GLP1R: variants seen among roughly 807,000 people sequenced by gnomAD.
GLP1R encodes glucagon like peptide 1 receptor, also known as glucagon-like peptide 1 receptor.
Under a neutral mutation model 68.4 loss-of-function variants are expected in GLP1R, and 32 were observed. The observed-to-expected ratio is 0.47, with a 90% CI of 0.35 to 0.63. The LOEUF (loss-of-function observed/expected upper bound fraction) is 0.63, where lower values mean the gene tolerates loss of function less well. Among genes scored for constraint, GLP1R ranks in the 20% least tolerant of loss-of-function variants. The pLI is 0.00. For missense variants in GLP1R, 502 were observed against 594.9 expected (o/e 0.84, Z 1.62); for synonymous variants, 263 against 244.4 (o/e 1.08, Z -0.71).
At chr6:39,053,705 G>A (rs555107214) in intron 1 of GLP1R, among the ~76,000 whole-genome samples, 1 of 152,282 alleles carries the variant, frequency 6.6e-6, no homozygotes, top group Non-Finnish European at 1.5e-5. Flanking sequence ...TCTTGCACTC[G>A]GTTGCAAACC....
intron 3 of GLP1R, among the ~76,000 whole-genome samples, chr6:39,063,212 G>C (rs1012579628): frequency 6.6e-6 from 1 of 152,068 alleles, no homozygotes; most frequent in African/African-American, 2.4e-5. Context: ...ATCTCATTCC[G>C]CATGGAGTCA....
In GLP1R at chr6:39,090,058, C is replaced by T. The variant is rs953377461; in HGVS notation, c.*3985C>T. Among the ~76,000 whole-genome samples, 37 of 152,190 alleles carry T rather than the reference C, an allele frequency of 2.4e-4. No individual in the cohort carries two copies. The highest frequency in any genetic ancestry group is 3.8e-4 in the Non-Finnish European group (26 of 68,042). On this transcript the variant is annotated 3_prime_UTR_variant, in exon 13 of 13. Transcript: ENST00000373256. ...CTCTTTTGTGGCTGGAATGAGTTCC[C>T]CTGGGAAAGAAAATCGCCCAAGTGA...
chr6:39,085,530 T>C (rs1305663036), intron 12 of GLP1R, among the ~76,000 whole-genome samples: 1 of 152,222 alleles, frequency 6.6e-6, no homozygotes, highest in Admixed American at 6.5e-5. Context: ...GAAACTGGAC[T>C]GTGCGCTGTA....
In GLP1R at chr6:39,072,843, G is replaced by T; in HGVS notation, c.510-19G>T. 6 of 1,609,814 alleles carry T rather than the reference G, an allele frequency of 3.7e-6. 1 individual carries two copies. The South Asian group carries it at 5.5e-5, about 15-fold the overall frequency. On this transcript the variant is annotated intron_variant, in intron 5 of 12. Coordinates refer to ENST00000373256, the MANE Select transcript of GLP1R (RefSeq NM_002062.5). ...CTGTTGGCTGCCTTGCCAGGGAAAG[G>T]CCCTGCTTTCTCCCTCAGACACCTG...
intron 12 of GLP1R, among the ~76,000 whole-genome samples, chr6:39,083,511 G>A (rs148398400): frequency 6.6e-6 from 1 of 152,204 alleles, no homozygotes; most frequent in Non-Finnish European, 1.5e-5. Context: ...GGGACAGGGA[G>A]GGGGAGGCCT....
At chr6:39,051,804 T>G (rs953448671) in intron 1 of GLP1R, among the ~76,000 whole-genome samples, 2 of 151,326 alleles carry the variant, frequency 1.3e-5, no homozygotes, top group Admixed American at 6.6e-5. Context: ...GTGTGCAACA[T>G]CTCAGCATGC....
rs1769256629 is a variant in GLP1R, at chr6:39,090,536, G to C, written c.*4463G>C. ...CTGTTCTTTCAGCTGTGACCAATTT[G>C]GGGGTGCAGCTGAGAGTGAGGTGCT... On this transcript the variant is annotated 3_prime_UTR_variant, in exon 13 of 13. Transcript: ENST00000373256. 6.6e-6 allele frequency among the ~76,000 whole-genome samples: 1 copy of C among 152,142 alleles called. No homozygotes were observed. Among genetic ancestry groups the C allele is most frequent in the Non-Finnish European group, 1.5e-5 (1 of 68,032 alleles).
chr6:39,073,021 T>G lies in GLP1R; in HGVS notation c.663+6T>G. The G allele has an allele frequency of 5.0e-6, 8 of 1,613,362 alleles. No homozygotes were observed. Among genetic ancestry groups the G allele is most frequent in the Non-Finnish European group, 5.9e-6 (7 of 1,179,636 alleles). On this transcript the variant is annotated splice_donor_region_variant and intron_variant, in intron 6 of 12. Coordinates refer to ENST00000373256, the MANE Select transcript of GLP1R (RefSeq NM_002062.5). ...ATGGGCTCCTCTCCTACCAGGTGTGTGGTGCATCCAGGACCGCCTCAGGAG... is the reference window on the plus strand; with the variant it reads ...ATGGGCTCCTCTCCTACCAGGTGTGGGGTGCATCCAGGACCGCCTCAGGAG...
chr6:39,060,223 G>A (rs1263694110), intron 3 of GLP1R, among the ~76,000 whole-genome samples: 1 of 152,202 alleles, frequency 6.6e-6, no homozygotes, highest in Non-Finnish European at 1.5e-5. Context: ...TGAAGAAGGG[G>A]ACAGTTCTGG....
Position 39,088,234 on chromosome 6 carries a change from A to G in GLP1R, c.*2161A>G, listed in dbSNP as rs1232388689. On this transcript the variant is annotated 3_prime_UTR_variant, in exon 13 of 13. Coordinates refer to ENST00000373256, the MANE Select transcript of GLP1R (RefSeq NM_002062.5). ...TTAACACGGAGGAAGTTTTTCCTTC[A>G]TGAATACATACAAGATACCGAACTG... Among the ~76,000 whole-genome samples, 1 of 152,082 alleles carries G rather than the reference A, an allele frequency of 6.6e-6. No individual in the cohort carries two copies. Among genetic ancestry groups the G allele is most frequent in the East Asian group, 1.9e-4 (1 of 5,194 alleles).
At chr6:39,057,264 G>A (rs1371251017) in intron 2 of GLP1R, among the ~76,000 whole-genome samples, 1 of 152,214 alleles carries the variant, frequency 6.6e-6, no homozygotes, top group Non-Finnish European at 1.5e-5. Flanking sequence ...CAGACATTAA[G>A]TTACTTGCTC....
intron 3 of GLP1R, among the ~76,000 whole-genome samples, chr6:39,058,535 C>T (rs180943142): frequency 9.9e-5 from 15 of 152,254 alleles, no homozygotes; most frequent in African/African-American, 3.4e-4. Context: ...ATCCCAGCCT[C>T]CCTTGCTGAG....
intron 5 of GLP1R, among the ~76,000 whole-genome samples, chr6:39,071,134 C>T (rs574371473): frequency 4.0e-4 from 61 of 152,108 alleles, no homozygotes; most frequent in Admixed American, 1.1e-3. Flanking sequence ...ATCACAAGGT[C>T]AGGAGATCGA....
At chr6:39,074,951 C>A (rs561341549) in intron 7 of GLP1R, among the ~76,000 whole-genome samples, 9 of 152,288 alleles carry the variant, frequency 5.9e-5, no homozygotes, top group South Asian at 2.1e-4. Flanking sequence ...CCCCCCACCC[C>A]CCAGGAGAAG....
Position 39,079,259 on chromosome 6 carries a change from C to T in GLP1R, c.1043+59C>T. 1.8e-6 allele frequency: 2 copies of T among 1,106,458 alleles called. No individual in the cohort carries two copies. The highest frequency in any genetic ancestry group is 2.8e-6 in the Non-Finnish European group (2 of 723,110). 68.5% of individuals were successfully genotyped at this position (1,106,458 alleles called of 1,614,324 possible). On this transcript the variant is annotated intron_variant, in intron 10 of 12. Transcript: ENST00000373256. The surrounding 1 kb of genome is among the most constrained non-coding windows in gnomAD (Gnocchi z 4.5). ...TCAGCAAGTGCCCCTTTCCTTCTAGCAGAGAGAGAGAGAGAGATCCTGGGA... is the reference window on the plus strand; with the variant it reads ...TCAGCAAGTGCCCCTTTCCTTCTAGTAGAGAGAGAGAGAGAGATCCTGGGA...
Position 39,079,328 on chromosome 6 carries a change from C to A in GLP1R, c.1043+128C>A, listed in dbSNP as rs1304367920. ...ACACTACCCTCTCCTTCCACCCAGG[C>A]CTGGCCTTGGACCCCAAACCCTTGC... On this transcript the variant is annotated intron_variant, in intron 10 of 12. Transcript: ENST00000373256. The surrounding 1 kb of genome is among the most constrained non-coding windows in gnomAD (Gnocchi z 4.5). 2.0e-5 allele frequency: 17 copies of A among 848,666 alleles called. No individual in the cohort carries two copies. Among genetic ancestry groups the A allele is most frequent in the Non-Finnish European group, 2.9e-5 (15 of 520,574 alleles). 52.6% of individuals were successfully genotyped at this position (848,666 alleles called of 1,614,324 possible). A position where few individuals can be genotyped will look rare whatever the true frequency, so the allele number is the denominator to read the frequency against.
chr6:39,085,004 C>A (rs1769108503), intron 12 of GLP1R, among the ~76,000 whole-genome samples: 2 of 152,230 alleles, frequency 1.3e-5, no homozygotes, highest in South Asian at 4.1e-4. Flanking sequence ...CTCTGGAAAG[C>A]AAATGTATGG....
intron 1 of GLP1R, among the ~76,000 whole-genome samples, chr6:39,054,510 G>C (rs965070790): frequency 2.6e-5 from 4 of 152,160 alleles, no homozygotes; most frequent in African/African-American, 9.7e-5. Context: ...TCCTCAGGGA[G>C]CCCCAGTCTG....
rs1206547213 is a variant in GLP1R at position 39,088,223 on chromosome 6, G to A, written c.*2150G>A. 6.6e-6 allele frequency among the ~76,000 whole-genome samples: 1 copy of A among 152,046 alleles called. No individual in the cohort carries two copies. Among genetic ancestry groups the A allele is most frequent in the Non-Finnish European group, 1.5e-5 (1 of 68,014 alleles). On this transcript the variant is annotated 3_prime_UTR_variant, in exon 13 of 13. Transcript: ENST00000373256. The stretch of plus-strand genomic sequence containing the variant: ...ACCCAAGTCTTTTAACACGGAGGAA[G>A]TTTTTCCTTCATGAATACATACAAG...
Sources: gnomAD v4.1 joint callset for allele counts (sites outside exome capture counted in the v4.1 genomes callset) on GRCh38, gnomAD v4.1.1 for gene constraint, Gnocchi (gnomAD v3.1) non-coding constraint, MANE v1.5 for transcripts, NCBI Gene and HGNC (gene_info 2026-07-23, HGNC 2026-07-21) for gene names.